NFATC3: variants seen among roughly 807,000 people sequenced by gnomAD.
The protein encoded by NFATC3 is nuclear factor of activated T cells 3, also known as nuclear factor of activated T-cells, cytoplasmic 3.
In NFATC3, 46 loss-of-function variants were observed where a neutral mutation model predicts 98.6. The observed-to-expected ratio is 0.47, with a 90% confidence interval of 0.37 to 0.60. The LOEUF is 0.60. Among genes scored for constraint, NFATC3 ranks in the 20% least tolerant of loss-of-function variants. The pLI is 0.00. For missense variants in NFATC3, 1,256 were observed against 1,295.5 expected (o/e 0.97, Z 0.47); for synonymous variants, 512 against 472.2 (o/e 1.08, Z -1.09).
At position 68,135,781 on chromosome 16, in the gene NFATC3, G is replaced by A. The variant is rs1035034496; in HGVS notation, c.1401+9171G>A. 3.3e-5 allele frequency among the ~76,000 whole-genome samples: 5 copies of A among 152,144 alleles called. No individual in the cohort carries two copies. The South Asian group carries it at 8.3e-4, about 25-fold the overall frequency. On this transcript the variant is annotated intron_variant, in intron 3 of 9. Transcript: ENST00000346183. ...GTTTGGGTTTTAGAAAAATAGTTTAGGCTGGGTGCGGTGGCTCACGCCTGT... is the reference window on the plus strand; with the variant it reads ...GTTTGGGTTTTAGAAAAATAGTTTAAGCTGGGTGCGGTGGCTCACGCCTGT...
intron 9 of NFATC3, among the ~76,000 whole-genome samples, chr16:68,202,766 C>T (rs7197359): frequency 0.04 from 6,120 of 151,880 alleles, 372 homozygotes; most frequent in African/African-American, 0.13. Flanking sequence ...GAGCCGAGAT[C>T]GTGCCATTGC....
chr16:68,088,872 A>G (rs796899386), intron 1 of NFATC3: 13 of 491,722 alleles, frequency 2.6e-5, no homozygotes, highest in African/African-American at 2.1e-4. Flanking sequence ...AAGTCTCACT[A>G]TGTTGCCCAG....
chr16:68,208,117 C>T (rs994288286), intron 9 of NFATC3, among the ~76,000 whole-genome samples: 3 of 151,724 alleles, frequency 2.0e-5, no homozygotes, highest in Admixed American at 6.6e-5. Flanking sequence ...CTCACTGCAG[C>T]CTCCACCTCC....
intron 9 of NFATC3, among the ~76,000 whole-genome samples, chr16:68,211,063 G>A (rs1348189061): frequency 6.6e-6 from 1 of 151,958 alleles, no homozygotes; most frequent in Non-Finnish European, 1.5e-5. Flanking sequence ...ACTGTGCCTA[G>A]CCTTTTCTTT....
chr16:68,129,600 G>A (rs1005567391), intron 3 of NFATC3, among the ~76,000 whole-genome samples: 5 of 148,054 alleles, frequency 3.4e-5, no homozygotes, highest in Non-Finnish European at 7.4e-5. Context: ...CTTAGGTCTT[G>A]TTATGTTGCC....
chr16:68,213,400 GC>G (rs2041499153), intron 9 of NFATC3, among the ~76,000 whole-genome samples: 1 of 149,912 alleles, frequency 6.7e-6, no homozygotes. Flanking sequence ...GGGCGACAGA[GC>G]AAGACTCTGT....
intron 3 of NFATC3, among the ~76,000 whole-genome samples, chr16:68,154,256 G>T (rs78677726): frequency 5.9e-4 from 90 of 152,218 alleles, no homozygotes; most frequent in African/African-American, 1.7e-3. Flanking sequence ...TCATTCTCCT[G>T]GGTACTGAAG....
chr16:68,090,339 A>ATG (rs1567491420), intron 1 of NFATC3, among the ~76,000 whole-genome samples: 3 of 98,828 alleles, frequency 3.0e-5, no homozygotes, highest in South Asian at 3.8e-4. Flanking sequence ...ACACACACAC[A>ATG]CGCACACACA....
intron 3 of NFATC3, among the ~76,000 whole-genome samples, chr16:68,157,256 C>T (rs1436786343): frequency 2.0e-5 from 3 of 152,016 alleles, no homozygotes; most frequent in South Asian, 2.1e-4. Context: ...TTCTCTTTCC[C>T]GAAGATTGTT....
intron 2 of NFATC3, among the ~76,000 whole-genome samples, chr16:68,123,649 C>CA (rs879522913): frequency 5.3e-4 from 76 of 142,900 alleles, no homozygotes; most frequent in Middle Eastern, 3.6e-3. Flanking sequence ...CTGTTTCTAC[C>CA]AAAAAAAAAA....
chr16:68,203,790 C>T (rs905910263), intron 9 of NFATC3, among the ~76,000 whole-genome samples: 1 of 151,488 alleles, frequency 6.6e-6, no homozygotes, highest in African/African-American at 2.4e-5. Context: ...GTGGCTCGTG[C>T]CTGTAATCCC....
At chr16:68,206,802 G>A (rs1013609910) in intron 9 of NFATC3, among the ~76,000 whole-genome samples, 1 of 151,946 alleles carries the variant, frequency 6.6e-6, no homozygotes, top group African/African-American at 2.4e-5. Context: ...GGGCAACATG[G>A]CGAGACCCCA....
chr16:68,221,546 A>G (rs1482716546), intron 9 of NFATC3: 18 of 1,210,922 alleles, frequency 1.5e-5, no homozygotes, highest in Non-Finnish European at 1.7e-5. Flanking sequence ...TTAGTACTCA[A>G]TATATGTAAG....
chr16:68,086,245 C>T (rs1008684352), intron 1 of NFATC3, among the ~76,000 whole-genome samples: 2 of 152,126 alleles, frequency 1.3e-5, no homozygotes, highest in Non-Finnish European at 2.9e-5. Context: ...TTTTTTAAGT[C>T]TACTTTGCTA....
intron 1 of NFATC3, among the ~76,000 whole-genome samples, chr16:68,108,318 A>G (rs1202370401): frequency 6.6e-6 from 1 of 152,154 alleles, no homozygotes; most frequent in Non-Finnish European, 1.5e-5. Flanking sequence ...TCCCAATACT[A>G]CTTATTAAAT....
chr16:68,085,586 G>A lies in NFATC3; in HGVS notation c.-96G>A, dbSNP rs1409438676. On this transcript the variant is annotated 5_prime_UTR_variant, in exon 1 of 10. Transcript: ENST00000346183. Reference sequence around the variant, plus strand: ...GGAGTCGCGACCTCTTGGCCCGCGCGGCCCGGCATGAAGCGGCGTTGAGGA... The same window carrying A: ...GGAGTCGCGACCTCTTGGCCCGCGCAGCCCGGCATGAAGCGGCGTTGAGGA... The A allele has an allele frequency of 3.6e-6, 4 of 1,110,158 alleles. No individual in the cohort carries two copies. The highest frequency in any genetic ancestry group is 4.9e-6 in the Non-Finnish European group (4 of 819,972). 68.8% of individuals were successfully genotyped at this position (1,110,158 alleles called of 1,614,324 possible). A position where few individuals can be genotyped will look rare whatever the true frequency, so the allele number is the denominator to read the frequency against.
intron 1 of NFATC3, among the ~76,000 whole-genome samples, chr16:68,109,083 G>A (rs999946724): frequency 2.0e-5 from 3 of 152,182 alleles, no homozygotes; most frequent in East Asian, 3.9e-4. Context: ...TTGCCTCATT[G>A]CCCTGGCCAG....
chr16:68,122,071 C>T lies in NFATC3; in HGVS notation c.188C>T (p.Pro63Leu). Residue 63 changes from proline to leucine, a missense_variant, in exon 2 of 10, where the codon CCA (proline) becomes CTA (leucine). This residue lies in a region of NFATC3 where 464 missense variants were observed against 465.7 expected (regional missense o/e 1.00). Transcript: ENST00000346183. ...ACTTTAACCACACCACTTTGCTTAC[C>T]ACATCATGGATTACCGTCTCACTCT... ...PSTLTTPLCL[P>L]HHGLPSHSSV... 1 of 1,613,980 alleles carries T rather than the reference C, an allele frequency of 6.2e-7. No individual in the cohort carries two copies. The highest frequency in any genetic ancestry group is 8.5e-7 in the Non-Finnish European group (1 of 1,180,028).
chr16:68,170,800 T>C (rs539526999), intron 5 of NFATC3, among the ~76,000 whole-genome samples: 13 of 152,200 alleles, frequency 8.5e-5, no homozygotes, highest in African/African-American at 3.1e-4. Flanking sequence ...GCCTCGATTT[T>C]CTTTTATTGT....
Sources: allele counts gnomAD v4.1 joint callset (sites outside exome capture counted in the v4.1 genomes callset), GRCh38; gene constraint gnomAD v4.1.1; regional missense constraint gnomAD v4.1.1; transcripts MANE v1.5; gene names NCBI Gene and HGNC (gene_info 2026-07-23, HGNC 2026-07-21).